The following B3GALNT2 variants were observed in gnomAD, a reference collection of about 807,000 sequenced individuals.
B3GALNT2 encodes beta-1,3-N-acetylgalactosaminyltransferase 2.
B3GALNT2 carries 53 observed loss-of-function variants against 61.1 expected under a neutral mutation model. The observed-to-expected ratio is 0.87, with a 90% CI of 0.70 to 1.09. B3GALNT2 has a LOEUF of 1.09. Among genes scored for constraint, B3GALNT2 ranks in the 50% least tolerant of loss-of-function variants. B3GALNT2 has a pLI of 0.00. For missense variants in B3GALNT2, 544 were observed against 623.0 expected (o/e 0.87, Z 1.35); for synonymous variants, 223 against 237.4 (o/e 0.94, Z 0.56).
At chr1:235,499,899 AT>A (rs756924588) in intron 1 of B3GALNT2, among the ~76,000 whole-genome samples, 51 of 152,100 alleles carry the variant, frequency 3.4e-4, no homozygotes, top group Non-Finnish European at 2.8e-4. Flanking sequence ...AAGTTAGGTA[AT>A]TTTTATATAG....
intron 1 of B3GALNT2, among the ~76,000 whole-genome samples, chr1:235,501,001 G>A (rs1685556825): frequency 1.3e-5 from 2 of 152,218 alleles, no homozygotes; most frequent in Non-Finnish European, 2.9e-5. Context: ...CACCTTGGGA[G>A]AAGGGACTAG....
chr1:235,501,689 G>C (rs1685587507), intron 1 of B3GALNT2, among the ~76,000 whole-genome samples: 2 of 151,806 alleles, frequency 1.3e-5, no homozygotes, highest in African/African-American at 2.4e-5. Context: ...AAGGTAAATC[G>C]CTCTTTCAAA....
chr1:235,485,111 A>G (rs1278161424), intron 3 of B3GALNT2, among the ~76,000 whole-genome samples: 1 of 152,210 alleles, frequency 6.6e-6, no homozygotes, highest in Non-Finnish European at 1.5e-5. Context: ...TTCCCATCAC[A>G]TTTATATCTT....
At position 235,449,191 on chromosome 1, in the gene B3GALNT2, T is replaced by C. The variant is rs1350319828; in HGVS notation, c.*1015A>G. On this transcript the variant is annotated 3_prime_UTR_variant, in exon 12 of 12. Coordinates refer to ENST00000366600, the MANE Select transcript of B3GALNT2 (RefSeq NM_152490.5). ...TCATTTTGGGAAATGTCCCTTAAACTTGGGGAGACATCCTCTACTATGTAT... is the reference window on the plus strand; with the variant it reads ...TCATTTTGGGAAATGTCCCTTAAACCTGGGGAGACATCCTCTACTATGTAT... The C allele has an allele frequency of 8.1e-6, 2 of 247,988 alleles. No homozygotes were observed. Among genetic ancestry groups the C allele is most frequent in the Non-Finnish European group, 1.6e-5 (2 of 126,438 alleles). 15.4% of individuals were successfully genotyped at this position (247,988 alleles called of 1,614,324 possible). A position where few individuals can be genotyped will look rare whatever the true frequency, so the allele number is the denominator to read the frequency against.
At chr1:235,496,266 G>A (rs776977642) in intron 1 of B3GALNT2, 66 of 433,244 alleles carry the variant, frequency 1.5e-4, no homozygotes, top group East Asian at 1.3e-3. Flanking sequence ...AGCCGAGACC[G>A]CGCCATTGCA....
At chr1:235,478,869 C>G (rs291382) in intron 5 of B3GALNT2, 5 of 152,172 alleles carry the variant, frequency 3.3e-5, no homozygotes, top group Non-Finnish European at 7.4e-5. Flanking sequence ...TTCTAGTAGT[C>G]TTGTTTTCCT....
At chr1:235,441,799 T>A in the B3GALNT2 span, 1 of 1,613,396 alleles carries the variant, frequency 6.2e-7, no homozygotes, top group Non-Finnish European at 8.5e-7. Context: ...TCATCTCTTT[T>A]GCTTTCTTAA....
intron 1 of B3GALNT2, among the ~76,000 whole-genome samples, chr1:235,495,518 G>A (rs1453164944): frequency 1.3e-5 from 2 of 151,566 alleles, no homozygotes; most frequent in Non-Finnish European, 2.9e-5. Context: ...GAAGAATGAC[G>A]GGAAAGCAAC....
chr1:235,483,976 G>A (rs914415848), intron 4 of B3GALNT2, among the ~76,000 whole-genome samples: 2 of 152,132 alleles, frequency 1.3e-5, no homozygotes, highest in African/African-American at 4.8e-5. Flanking sequence ...TCTACAGTTG[G>A]AAGTAAGAGG....
chr1:235,475,428 G>A (rs1490615119), intron 5 of B3GALNT2, among the ~76,000 whole-genome samples: 1 of 152,096 alleles, frequency 6.6e-6, no homozygotes, highest in Non-Finnish European at 1.5e-5. Flanking sequence ...TACTGGACAA[G>A]CTATACTGGG....
chr1:235,485,452 C>T (rs562167397), intron 3 of B3GALNT2, among the ~76,000 whole-genome samples: 3 of 152,178 alleles, frequency 2.0e-5, no homozygotes, highest in African/African-American at 4.8e-5. Flanking sequence ...TAGCTGGGAC[C>T]GCAGGCACAC....
intron 7 of B3GALNT2, among the ~76,000 whole-genome samples, chr1:235,463,013 GTA>G (rs374406213): frequency 6.6e-6 from 1 of 151,330 alleles, no homozygotes; most frequent in African/African-American, 2.4e-5. Context: ...AGAAAATGTG[GTA>G]TATATATATA....
the B3GALNT2 span, chr1:235,441,823 C>G: frequency 6.2e-7 from 1 of 1,613,854 alleles, no homozygotes; most frequent in Non-Finnish European, 8.5e-7. Context: ...GAATATGGTG[C>G]ACCTGAAGAT....
At chr1:235,503,248 T>C (rs555277795) in intron 1 of B3GALNT2, among the ~76,000 whole-genome samples, 1 of 152,314 alleles carries the variant, frequency 6.6e-6, no homozygotes, top group Non-Finnish European at 1.5e-5. Context: ...AAGTATTACA[T>C]AATATTTAAA....
chr1:235,504,138 C>T lies in B3GALNT2; in HGVS notation c.112+3G>A. The stretch of plus-strand genomic sequence containing the variant: ...GCCAACCCGCCCGGCCCCAGGACCT[C>T]ACCTGCAGGGCCGGCCCCGGAGGCG... On this transcript the variant is annotated splice_donor_region_variant and intron_variant, in intron 1 of 11. Transcript: ENST00000366600. 7.9e-7 allele frequency: 1 copy of T among 1,264,208 alleles called. No homozygotes were observed. The highest frequency in any genetic ancestry group is 9.9e-7 in the Non-Finnish European group (1 of 1,008,708). The allele number at this position is 1,264,208 out of a possible 1,614,324, so 78.3% of individuals were successfully genotyped here.
chr1:235,455,498 C>A, intron 9 of B3GALNT2, 61 bp downstream of exon 9: 1 of 1,525,352 alleles, frequency 6.6e-7, no homozygotes, highest in Non-Finnish European at 9.0e-7. Context: ...ATATTTTATG[C>A]TTTATTAATT....
chr1:235,468,500 T>A (rs1476829250), intron 6 of B3GALNT2, among the ~76,000 whole-genome samples: 4 of 139,994 alleles, frequency 2.9e-5, no homozygotes, highest in Non-Finnish European at 6.0e-5. Context: ...GTAGCCAGGC[T>A]GGAGTGCAGT....
At chr1:235,504,020 T>G in intron 1 of B3GALNT2, 121 bp downstream of exon 1, 1 of 1,070,568 alleles carries the variant, frequency 9.3e-7, no homozygotes, top group Non-Finnish European at 1.2e-6. Flanking sequence ...TTGTTTCGTC[T>G]GGGGACCGTC....
chr1:235,493,653 C>T (rs1390776086), intron 2 of B3GALNT2, among the ~76,000 whole-genome samples: 2 of 152,056 alleles, frequency 1.3e-5, no homozygotes, highest in African/African-American at 4.8e-5. Flanking sequence ...TGGCAAGTGC[C>T]TGTAATCCCA....
Sources: allele counts gnomAD v4.1 joint callset (sites outside exome capture counted in the v4.1 genomes callset), GRCh38; gene constraint gnomAD v4.1.1; transcripts MANE v1.5; gene names NCBI Gene and HGNC (gene_info 2026-07-23, HGNC 2026-07-21).